CDC14A: variants seen among roughly 807,000 people sequenced by gnomAD.
CDC14A encodes dual specificity protein phosphatase CDC14A.
Under a neutral mutation model 74.4 loss-of-function variants are expected in CDC14A, and 53 were observed. The observed-to-expected ratio is 0.71, with a 90% CI of 0.57 to 0.89. The LOEUF (loss-of-function observed/expected upper bound fraction) is 0.89. Ranked by LOEUF, CDC14A falls within the 40% of genes least tolerant of loss-of-function variation. The pLI is 0.00. For synonymous variants in CDC14A, 247 were observed against 258.4 expected (o/e 0.96, Z 0.43); for missense variants, 646 against 713.7 (o/e 0.91, Z 1.08).
At chr1:100,365,863 G>A (rs1296976933) in intron 2 of CDC14A, among the ~76,000 whole-genome samples, 2 of 151,810 alleles carry the variant, frequency 1.3e-5, no homozygotes, top group East Asian at 1.9e-4. Flanking sequence ...GGAGGGGTGC[G>A]GATAGTATTC....
chr1:100,388,444 T>A (rs1419031560), intron 3 of CDC14A, among the ~76,000 whole-genome samples: 1 of 152,206 alleles, frequency 6.6e-6, no homozygotes, highest in Non-Finnish European at 1.5e-5. Flanking sequence ...AACCTTTACA[T>A]CCCTAGGTAA....
Position 100,468,021 on chromosome 1 carries a change from G to A in CDC14A, c.904G>A (p.Ala302Thr). The A allele has an allele frequency of 1.2e-6, 2 of 1,613,118 alleles. No individual in the cohort carries two copies. Among genetic ancestry groups the A allele is most frequent in the African/African-American group, 1.3e-5 (1 of 74,884 alleles). ...AATGAAACACTACAGGTTTACACAT[G>A]CTGAAATAATTGCTTGGATTAGAAT... ...YVMKHYRFTH[A>T]EIIAWIRICR... The change falls in exon 10 of 16, where the codon GCT (alanine) becomes ACT (threonine). Residue 302 changes from alanine (A) to threonine (T), a missense_variant. Transcript: ENST00000336454.
chr1:100,510,782 A>ATTTACCCGGCT (rs1553200153), intron 15 of CDC14A, among the ~76,000 whole-genome samples: 1 of 151,964 alleles, frequency 6.6e-6, no homozygotes, highest in African/African-American at 2.4e-5. Flanking sequence ...TGTGTTTCTA[A>ATTTACCCGGCT]TTTACCCGGC....
intron 15 of CDC14A, among the ~76,000 whole-genome samples, chr1:100,500,575 T>A (rs1196553298): frequency 6.6e-6 from 1 of 151,896 alleles, no homozygotes; most frequent in Non-Finnish European, 1.5e-5. Flanking sequence ...CTGGCCAACA[T>A]GGTGAAACCC....
At chr1:100,459,086 A>ACACACACACACAC (rs1667021049) in intron 8 of CDC14A, among the ~76,000 whole-genome samples, 1 of 129,236 alleles carries the variant, frequency 7.7e-6, no homozygotes, top group Non-Finnish European at 1.6e-5. Context: ...CTTCTATTTA[A>ACACACACACACAC]ACACACACAC....
At chr1:100,470,287 A>G (rs1318252643) in intron 10 of CDC14A, among the ~76,000 whole-genome samples, 3 of 152,124 alleles carry the variant, frequency 2.0e-5, no homozygotes, top group Admixed American at 6.6e-5. Context: ...TAGAAATAGA[A>G]GGAAATTTCC....
At chr1:100,365,615 G>T (rs1272172793) in intron 2 of CDC14A, among the ~76,000 whole-genome samples, 1 of 152,158 alleles carries the variant, frequency 6.6e-6, no homozygotes, top group Non-Finnish European at 1.5e-5. Context: ...GTGATCTTTA[G>T]TTCTGCATCA....
intron 4 of CDC14A, among the ~76,000 whole-genome samples, chr1:100,391,797 G>A (rs1657743973): frequency 6.6e-6 from 1 of 152,362 alleles, no homozygotes; most frequent in Admixed American, 6.5e-5. Flanking sequence ...ATTGCAGGGT[G>A]CAGGCTGAGA....
At chr1:100,444,376 A>T (rs1002098491) in intron 7 of CDC14A, among the ~76,000 whole-genome samples, 13 of 152,124 alleles carry the variant, frequency 8.5e-5, no homozygotes, top group Non-Finnish European at 1.6e-4. Flanking sequence ...GTGATCCTAA[A>T]ATAGAGTTCT....
chr1:100,468,513 T>C (rs1306058890), intron 10 of CDC14A, among the ~76,000 whole-genome samples: 1 of 152,136 alleles, frequency 6.6e-6, no homozygotes, highest in Non-Finnish European at 1.5e-5. Flanking sequence ...GACAACTAAC[T>C]AACTAAACTG....
intron 2 of CDC14A, among the ~76,000 whole-genome samples, chr1:100,360,144 G>A (rs1039042464): frequency 4.9e-5 from 7 of 143,452 alleles, no homozygotes; most frequent in Admixed American, 2.8e-4. Flanking sequence ...TAGTAGAGAC[G>A]AGGTTTCACC....
chr1:100,374,176 G>A (rs1654900202), intron 2 of CDC14A, among the ~76,000 whole-genome samples: 1 of 152,100 alleles, frequency 6.6e-6, no homozygotes, highest in Non-Finnish European at 1.5e-5. Flanking sequence ...GGTTGTATAT[G>A]TGCCACATTT....
At chr1:100,426,095 T>A (rs1471403644) in intron 5 of CDC14A, among the ~76,000 whole-genome samples, 1 of 152,230 alleles carries the variant, frequency 6.6e-6, no homozygotes, top group African/African-American at 2.4e-5. Flanking sequence ...GTTAGCATTA[T>A]ACTATTATTA....
At chr1:100,467,194 T>C (rs1667921328) in intron 9 of CDC14A, among the ~76,000 whole-genome samples, 1 of 152,144 alleles carries the variant, frequency 6.6e-6, no homozygotes, top group African/African-American at 2.4e-5. Flanking sequence ...TTTAATTTTT[T>C]CTTTCTTAGT....
intron 9 of CDC14A, among the ~76,000 whole-genome samples, chr1:100,463,616 C>A (rs1667526236): frequency 6.6e-6 from 1 of 152,132 alleles, no homozygotes; most frequent in Non-Finnish European, 1.5e-5. Flanking sequence ...ACTTTTAAAA[C>A]AAAAAGTATA....
intron 8 of CDC14A, among the ~76,000 whole-genome samples, chr1:100,457,646 T>C (rs1351477003): frequency 7.3e-6 from 1 of 136,308 alleles, no homozygotes; most frequent in African/African-American, 3.0e-5. Flanking sequence ...TTTTTTTTAA[T>C]TTTTAGTAGA....
At chr1:100,420,061 C>CAATATATATATAT (rs1377818349) in intron 4 of CDC14A, among the ~76,000 whole-genome samples, 1 of 61,748 alleles carries the variant, frequency 1.6e-5, no homozygotes, top group African/African-American at 4.0e-5. Context: ...CACACACACA[C>CAATATATATATAT]ACATATATAT....
At chr1:100,426,914 C>T (rs1257154346) in intron 5 of CDC14A, among the ~76,000 whole-genome samples, 3 of 152,126 alleles carry the variant, frequency 2.0e-5, no homozygotes, top group African/African-American at 7.2e-5. Context: ...CAAAGTAGTA[C>T]ATTTATAATT....
chr1:100,459,122 C>CAGAGAGAGAGAGAGAGAGAGAGAGAG (rs1474410623), intron 8 of CDC14A, among the ~76,000 whole-genome samples: 3 of 146,618 alleles, frequency 2.0e-5, no homozygotes, highest in African/African-American at 7.7e-5. Flanking sequence ...CACACACACA[C>CAGAGAGAGAGAGAGAGAGAGAGAGAG]ACACAGAGAG....
Sources: gnomAD v4.1 joint callset for allele counts (sites outside exome capture counted in the v4.1 genomes callset) on GRCh38, gnomAD v4.1.1 for gene constraint, MANE v1.5 for transcripts, NCBI Gene and HGNC (gene_info 2026-07-23, HGNC 2026-07-21) for gene names.